Variants in PDE11A observed in about 807,000 individuals in gnomAD.
The protein encoded by PDE11A is phosphodiesterase 11A, also known as dual 3',5'-cyclic-AMP and -GMP phosphodiesterase 11A.
In PDE11A, 100 loss-of-function variants were observed where a neutral mutation model predicts 100.5. That is an observed-to-expected ratio of 1.00 (90% CI 0.85 to 1.18). The LOEUF is 1.18. Among genes scored for constraint, PDE11A ranks in the 50% most tolerant of loss-of-function variants. The pLI is 0.00. For missense variants in PDE11A, 1,141 were observed against 1,152.6 expected, an observed-to-expected ratio of 0.99 and a Z score of 0.15; for synonymous variants, 381 against 420.8, an observed-to-expected ratio of 0.91 and a Z score of 1.16.
At chr2:178,015,239 A>T (rs2105828003) in intron 1 of PDE11A, among the ~76,000 whole-genome samples, 1 of 152,252 alleles carries the variant, frequency 6.6e-6, no homozygotes, top group South Asian at 2.1e-4. Flanking sequence ...AAAAATTAAC[A>T]CCATGTGCCT....
chr2:177,834,294 T>A (rs2083355839), intron 6 of PDE11A, among the ~76,000 whole-genome samples: 2 of 152,164 alleles, frequency 1.3e-5, no homozygotes, highest in Non-Finnish European at 1.5e-5. Flanking sequence ...CACTTTTGTT[T>A]CTGAGCTTTC....
At chr2:177,758,296 C>CAAAA (rs78765770) in intron 10 of PDE11A, among the ~76,000 whole-genome samples, 12 of 64,998 alleles carry the variant, frequency 1.8e-4, no homozygotes, top group African/African-American at 4.0e-4. Context: ...GACTCCGTCT[C>CAAAA]AAAAAAAAAA....
chr2:177,736,194 G>A (rs1373105697), intron 10 of PDE11A, among the ~76,000 whole-genome samples: 1 of 152,142 alleles, frequency 6.6e-6, no homozygotes, highest in Non-Finnish European at 1.5e-5. Flanking sequence ...AAGGAAGGAA[G>A]GACGTGCTCC....
chr2:178,058,186 G>T (rs1308870930), intron 1 of PDE11A, among the ~76,000 whole-genome samples: 1 of 152,104 alleles, frequency 6.6e-6, no homozygotes, highest in Non-Finnish European at 1.5e-5. Context: ...TAAACCCCCT[G>T]GTCCTAATCT....
At chr2:178,067,988 GT>G (rs1455418935) in intron 1 of PDE11A, among the ~76,000 whole-genome samples, 3 of 152,050 alleles carry the variant, frequency 2.0e-5, no homozygotes, top group Non-Finnish European at 2.9e-5. Context: ...TCAAACACCT[GT>G]ATTATCATTA....
chr2:177,927,141 A>G (rs2085136262), intron 2 of PDE11A: 1 of 152,186 alleles, frequency 6.6e-6, no homozygotes, highest in East Asian at 1.9e-4. Context: ...ACCCACACCT[A>G]TGAAGTGAAA....
intron 14 of PDE11A, among the ~76,000 whole-genome samples, chr2:177,700,351 A>G (rs2033761): frequency 0.93 from 140,456 of 150,872 alleles, 65,776 homozygotes; most frequent in East Asian, 1. Flanking sequence ...AATTAATGGC[A>G]CAGCTAGAGA....
chr2:178,048,960 T>G (rs1223435858), intron 1 of PDE11A, among the ~76,000 whole-genome samples: 1 of 152,176 alleles, frequency 6.6e-6, no homozygotes, highest in Non-Finnish European at 1.5e-5. Context: ...TCTAACACTG[T>G]GGCCCTGTGA....
intron 1 of PDE11A, among the ~76,000 whole-genome samples, chr2:178,048,725 C>T (rs2086784834): frequency 6.6e-6 from 1 of 152,180 alleles, no homozygotes; most frequent in African/African-American, 2.4e-5. Context: ...GTAGGTTTAT[C>T]TAATTCTGGT....
intron 1 of PDE11A, among the ~76,000 whole-genome samples, chr2:178,044,560 TAAG>T (rs1400048035): frequency 2.0e-5 from 3 of 151,986 alleles, no homozygotes; most frequent in East Asian, 1.9e-4. Context: ...CATGGTCACA[TAAG>T]AAGTTCTTGG....
chr2:177,751,521 G>C (rs919543127), intron 10 of PDE11A, among the ~76,000 whole-genome samples: 1 of 152,194 alleles, frequency 6.6e-6, no homozygotes, highest in South Asian at 2.1e-4. Flanking sequence ...CATATCATTA[G>C]TGCAGTTTCC....
chr2:177,819,830 G>A (rs1032591700), intron 7 of PDE11A, among the ~76,000 whole-genome samples: 2 of 141,730 alleles, frequency 1.4e-5, no homozygotes, highest in African/African-American at 5.5e-5. Context: ...TAACTTTGTG[G>A]CCTTCTTGAA....
At chr2:177,996,360 A>G (rs2086074695) in intron 2 of PDE11A, among the ~76,000 whole-genome samples, 1 of 152,114 alleles carries the variant, frequency 6.6e-6, no homozygotes, top group African/African-American at 2.4e-5. Context: ...TAACAAGTTA[A>G]TAACAGATTC....
At chr2:177,790,751 A>AAGG (rs2082617485) in intron 9 of PDE11A, among the ~76,000 whole-genome samples, 2 of 151,784 alleles carry the variant, frequency 1.3e-5, no homozygotes, top group East Asian at 3.9e-4. Flanking sequence ...ACACTTCTCA[A>AAGG]AAGACATTTA....
chr2:177,926,887 C>T (rs779216449), intron 2 of PDE11A: 5 of 152,138 alleles, frequency 3.3e-5, no homozygotes, highest in Non-Finnish European at 7.3e-5. Flanking sequence ...AAATCCTAAT[C>T]AATGATTACC....
chr2:177,744,703 C>T (rs2081923339), intron 10 of PDE11A, among the ~76,000 whole-genome samples: 1 of 152,164 alleles, frequency 6.6e-6, no homozygotes, highest in Admixed American at 6.5e-5. Flanking sequence ...CCATGTGACC[C>T]AGGGCCTCCC....
At chr2:178,003,091 G>A (rs1394977660) in intron 2 of PDE11A, among the ~76,000 whole-genome samples, 5 of 152,090 alleles carry the variant, frequency 3.3e-5, no homozygotes. Context: ...CTCATACATT[G>A]CAAGATGCAA....
intron 9 of PDE11A, among the ~76,000 whole-genome samples, chr2:177,786,939 A>G (rs938330202): frequency 4.0e-5 from 6 of 151,220 alleles, no homozygotes; most frequent in Non-Finnish European, 7.4e-5. Context: ...GACGGGGAGA[A>G]TGGAACCAAG....
intron 1 of PDE11A, among the ~76,000 whole-genome samples, chr2:178,048,016 G>C (rs1054057227): frequency 1.3e-5 from 2 of 152,130 alleles, no homozygotes; most frequent in African/African-American, 4.8e-5. Flanking sequence ...CCTATCCACT[G>C]CCTACCCAGG....
Sources: gnomAD v4.1 joint callset for allele counts (sites outside exome capture counted in the v4.1 genomes callset) on GRCh38, gnomAD v4.1.1 for gene constraint, MANE v1.5 for transcripts, NCBI Gene and HGNC (gene_info 2026-07-23, HGNC 2026-07-21) for gene names.